Variants in CATSPERB observed in about 807,000 individuals in gnomAD.
CATSPERB encodes cation channel sperm-associated auxiliary subunit beta.
A neutral mutation model predicts 128.3 loss-of-function variants in CATSPERB; 93 were observed. The ratio of observed to expected loss-of-function variants is 0.72; its 90% CI spans 0.61 to 0.86. The LOEUF (loss-of-function observed/expected upper bound fraction) is 0.86. CATSPERB is among the 40% of genes least tolerant of loss of function. The pLI, the probability that CATSPERB is intolerant of heterozygous loss-of-function variation, is 0.00. For synonymous variants in CATSPERB, 381 were observed against 448.8 expected (o/e 0.85, Z 1.91); for missense variants, 1,153 against 1,329.5 (o/e 0.87, Z 2.06).
Position 91,659,936 on chromosome 14 carries a change from TA to T in CATSPERB, c.1332del (p.Asn445ThrfsTer7), listed in dbSNP as rs1219915232. The T allele has an allele frequency of 1.2e-6, 2 of 1,603,120 alleles. No individual in the cohort carries two copies. ...VDGGNTFQLI[A>X]NFHDDIIKKT... ...TTCTTTATGATATCATCATGAAAGT[TA>T]GCTATTAATTGAAAGGTGTTGCCGC... On this transcript the variant is annotated frameshift_variant, in exon 15 of 27. Transcript: ENST00000256343. LOFTEE classifies it high-confidence loss of function.
At chr14:91,681,546 C>T (rs565768365) in intron 11 of CATSPERB, among the ~76,000 whole-genome samples, 16 of 152,218 alleles carry the variant, frequency 1.1e-4, no homozygotes, top group Middle Eastern at 3.4e-3. Flanking sequence ...TTATGGGAGA[C>T]GCTCCCTGGG....
intron 22 of CATSPERB, chr14:91,604,833 T>G: frequency 6.6e-7 from 1 of 1,522,936 alleles, no homozygotes; most frequent in Admixed American, 1.7e-5. Flanking sequence ...GTCACACCAT[T>G]GCTATTCTTT....
chr14:91,604,379 A>G (rs1893662464), intron 22 of CATSPERB: 1 of 929,646 alleles, frequency 1.1e-6, no homozygotes, highest in South Asian at 1.3e-5. Context: ...ACTGAAATTG[A>G]TTAATGTCAA....
chr14:91,725,472 G>A (rs1896105813), intron 2 of CATSPERB, among the ~76,000 whole-genome samples: 1 of 152,160 alleles, frequency 6.6e-6, no homozygotes, highest in Admixed American at 6.5e-5. Flanking sequence ...CACCTTGAGG[G>A]TATAAAAGGA....
chr14:91,714,253 A>G (rs1200486153), intron 5 of CATSPERB, among the ~76,000 whole-genome samples: 1 of 147,838 alleles, frequency 6.8e-6, no homozygotes, highest in Non-Finnish European at 1.5e-5. Flanking sequence ...GAATCATACT[A>G]GAGGTCCTAC....
intron 22 of CATSPERB, among the ~76,000 whole-genome samples, chr14:91,607,092 G>C (rs892935145): frequency 8.6e-6 from 1 of 116,360 alleles, no homozygotes; most frequent in Non-Finnish European, 1.8e-5. Flanking sequence ...GGCGGGGGGG[G>C]GGGGGGCGGT....
chr14:91,712,147 C>G (rs1167434061), intron 5 of CATSPERB, among the ~76,000 whole-genome samples: 1 of 152,146 alleles, frequency 6.6e-6, no homozygotes, highest in African/African-American at 2.4e-5. Context: ...AGTAAGTTCT[C>G]ACTTATAATC....
intron 5 of CATSPERB, among the ~76,000 whole-genome samples, chr14:91,718,974 T>C (rs550270866): frequency 6.6e-6 from 1 of 152,282 alleles, no homozygotes; most frequent in South Asian, 2.1e-4. Context: ...ACTTTTCTCC[T>C]CTTTTCATCT....
intron 20 of CATSPERB, among the ~76,000 whole-genome samples, chr14:91,614,442 C>T (rs778713478): frequency 8.5e-5 from 13 of 152,168 alleles, no homozygotes; most frequent in East Asian, 1.9e-4. Flanking sequence ...GTGGGTGGAT[C>T]GCTTGAGCCC....
chr14:91,624,967 T>C lies in CATSPERB; in HGVS notation c.1783A>G (p.Thr595Ala). 6.2e-7 allele frequency: 1 copy of C among 1,607,754 alleles called. No homozygotes were observed. ...RAYIRKVLQH[T>A]TPKGFLSSVI... ...GAGGACAAAAATCCTTTAGGAGTCGTATGTTGCAATACCTTTCTTATGTAA... is the reference window on the plus strand; with the variant it reads ...GAGGACAAAAATCCTTTAGGAGTCGCATGTTGCAATACCTTTCTTATGTAA... The change falls in exon 18 of 27, where the codon ACG (threonine) becomes GCG (alanine). Residue 595 changes from threonine to alanine, a missense_variant. Thr to Ala is a moderately conservative substitution (Grantham distance 58). Coordinates refer to ENST00000256343, the MANE Select transcript of CATSPERB (RefSeq NM_024764.4).
At chr14:91,720,364 A>T (rs1398968103) in intron 4 of CATSPERB, among the ~76,000 whole-genome samples, 2 of 151,262 alleles carry the variant, frequency 1.3e-5, no homozygotes, top group Non-Finnish European at 2.9e-5. Context: ...AACCTGTTAG[A>T]TCTTACAAAC....
intron 26 of CATSPERB, among the ~76,000 whole-genome samples, chr14:91,583,132 C>G (rs1893235472): frequency 6.6e-6 from 1 of 152,182 alleles, no homozygotes. Context: ...AAAAATTTCA[C>G]TTGTGGCTGG....
intron 2 of CATSPERB, among the ~76,000 whole-genome samples, chr14:91,726,000 G>C (rs1168559256): frequency 1.3e-5 from 2 of 152,106 alleles, no homozygotes; most frequent in Admixed American, 6.5e-5. Context: ...AATGCCAAGA[G>C]GAGCTCCTCT....
chr14:91,618,145 T>G (rs1743144), intron 19 of CATSPERB, among the ~76,000 whole-genome samples: 113,021 of 152,044 alleles, frequency 0.74, 42,544 homozygotes, highest in East Asian at 0.97. Context: ...TAGGGTAACT[T>G]CCTGATGTTG....
chr14:91,603,170 T>C (rs1893637797), intron 22 of CATSPERB: 2 of 790,572 alleles, frequency 2.5e-6, no homozygotes, highest in Non-Finnish European at 4.7e-6. Context: ...TCTTTTACTA[T>C]ACCTTTCAAT....
intron 23 of CATSPERB, among the ~76,000 whole-genome samples, chr14:91,590,635 T>C (rs1252754955): frequency 6.6e-6 from 1 of 151,878 alleles, no homozygotes. Flanking sequence ...AGTCTCTAGA[T>C]GTCTTTTTTT....
chr14:91,607,047 A>G (rs1437074592), intron 22 of CATSPERB, among the ~76,000 whole-genome samples: 1 of 118,654 alleles, frequency 8.4e-6, no homozygotes, highest in Non-Finnish European at 1.6e-5. Flanking sequence ...AAGATTTCAC[A>G]AGAAGTCTGT....
intron 20 of CATSPERB, among the ~76,000 whole-genome samples, chr14:91,617,346 G>A (rs150474084): frequency 9.8e-4 from 149 of 152,124 alleles, no homozygotes; most frequent in African/African-American, 3.4e-3. Context: ...ACCTTTAGTT[G>A]CATCTCAATT....
At chr14:91,722,912 T>A (rs1238999221) in intron 4 of CATSPERB, 137 bp downstream of exon 4, 1 of 544,908 alleles carries the variant, frequency 1.8e-6, no homozygotes, top group African/African-American at 2.0e-5. Context: ...AAGCAAAAAG[T>A]GTAACACTAT....
Sources: gnomAD v4.1 joint callset for allele counts (sites outside exome capture counted in the v4.1 genomes callset) on GRCh38, gnomAD v4.1.1 for gene constraint, MANE v1.5 for transcripts, NCBI Gene and HGNC (gene_info 2026-07-23, HGNC 2026-07-21) for gene names.